Variants in ARFIP1 observed in about 807,000 individuals in gnomAD.
ARFIP1 encodes the protein ARF interacting protein 1.
A neutral mutation model predicts 42.5 loss-of-function variants in ARFIP1; 24 were observed. That is an observed-to-expected ratio of 0.57 (90% CI 0.41 to 0.80). The LOEUF is 0.80. ARFIP1 is among the 30% of genes least tolerant of loss of function. The probability of loss-of-function intolerance (pLI) is 0.00; values close to 1 mark genes in which losing one functional copy is unlikely to be tolerated. For missense variants in ARFIP1, 354 were observed against 434.0 expected (o/e 0.82, Z 1.64); for synonymous variants, 141 against 153.7 (o/e 0.92, Z 0.61).
chr4:152,793,021 A>G (rs1400875703), intron 1 of ARFIP1, among the ~76,000 whole-genome samples: 1 of 152,080 alleles, frequency 6.6e-6, no homozygotes, highest in Admixed American at 6.6e-5. Context: ...CTGGTTTGTG[A>G]GGGCTGAACA....
intron 1 of ARFIP1, among the ~76,000 whole-genome samples, chr4:152,785,700 C>G (rs1287967509): frequency 1.3e-5 from 2 of 152,234 alleles, no homozygotes; most frequent in East Asian, 1.9e-4. Context: ...CACCACACCT[C>G]TCTCCCAGTT....
chr4:152,839,072 G>A (rs1731869163), intron 2 of ARFIP1, among the ~76,000 whole-genome samples: 1 of 152,008 alleles, frequency 6.6e-6, no homozygotes, highest in Non-Finnish European at 1.5e-5. Context: ...CGTTTATGTG[G>A]TTTATCACAT....
intron 8 of ARFIP1, among the ~76,000 whole-genome samples, chr4:152,896,451 T>G (rs561562708): frequency 6.6e-6 from 1 of 152,084 alleles, no homozygotes; most frequent in Non-Finnish European, 1.5e-5. Context: ...GATAGAAAAC[T>G]CCTCAGGACA....
intron 8 of ARFIP1, among the ~76,000 whole-genome samples, chr4:152,891,801 T>C (rs921863184): frequency 1.3e-5 from 2 of 152,086 alleles, no homozygotes; most frequent in Non-Finnish European, 2.9e-5. Context: ...CTCCACCACC[T>C]GGGTTCAAGC....
intron 1 of ARFIP1, among the ~76,000 whole-genome samples, chr4:152,801,663 T>C (rs768515815): frequency 6.6e-6 from 1 of 152,196 alleles, no homozygotes; most frequent in Non-Finnish European, 1.5e-5. Flanking sequence ...TATAATCATA[T>C]TTCAAATCTG....
intron 1 of ARFIP1, among the ~76,000 whole-genome samples, chr4:152,787,876 G>A (rs1730903096): frequency 1.3e-5 from 2 of 152,124 alleles, no homozygotes; most frequent in South Asian, 4.1e-4. Context: ...TTTGGAAAAG[G>A]GATAATCAAC....
chr4:152,804,475 T>A (rs1728837432), intron 1 of ARFIP1, among the ~76,000 whole-genome samples: 1 of 108,406 alleles, frequency 9.2e-6, no homozygotes, highest in Non-Finnish European at 1.8e-5. Context: ...ATAATATATA[T>A]AATATATATT....
At chr4:152,849,591 A>G (rs72968471) in intron 2 of ARFIP1, among the ~76,000 whole-genome samples, 2,134 of 152,284 alleles carry the variant, frequency 0.014, 28 homozygotes, top group African/African-American at 0.034. Flanking sequence ...ACCAAAAGGT[A>G]CTTGTAAGTT....
At chr4:152,805,278 C>T (rs1397935694) in intron 1 of ARFIP1, among the ~76,000 whole-genome samples, 3 of 152,174 alleles carry the variant, frequency 2.0e-5, no homozygotes, top group African/African-American at 7.2e-5. Context: ...CAAATGAAAC[C>T]AGTTCCAGCT....
intron 1 of ARFIP1, among the ~76,000 whole-genome samples, chr4:152,827,255 A>G (rs189917481): frequency 5.4e-4 from 82 of 152,312 alleles, no homozygotes; most frequent in African/African-American, 1.9e-3. Flanking sequence ...AGACAGCATT[A>G]TTACTATTTT....
chr4:152,803,928 G>C (rs1468658790), intron 1 of ARFIP1, among the ~76,000 whole-genome samples: 1 of 147,064 alleles, frequency 6.8e-6, no homozygotes, highest in Non-Finnish European at 1.5e-5. Flanking sequence ...AGAAAGCAGT[G>C]TGTTTGATTC....
chr4:152,847,124 C>CTTTTTTTTTTTTTTTTTT lies in ARFIP1; in HGVS notation c.94-16475_94-16458dup, dbSNP rs771661005. Among the ~76,000 whole-genome samples the CTTTTTTTTTTTTTTTTTT allele has an allele frequency of 5.4e-3, 220 of 40,552 alleles. 61 individuals are homozygous for CTTTTTTTTTTTTTTTTTT. The highest frequency in any genetic ancestry group is 8.5e-3 in the East Asian group (12 of 1,410). The allele number at this position is 40,552 out of a possible 152,430, so 26.6% of individuals were successfully genotyped here. ...GTATGTTAATGTTTTTAGGTTTGTT[C>CTTTTTTTTTTTTTTTTTT]TTTTTTTTTTTTTTTTTTTTTTTTG... On this transcript the variant is annotated intron_variant, in intron 2 of 8. Coordinates refer to ENST00000353617, the MANE Select transcript of ARFIP1 (RefSeq NM_001025595.3).
intron 7 of ARFIP1, among the ~76,000 whole-genome samples, chr4:152,884,632 G>A (rs560891222): frequency 1.2e-4 from 18 of 151,830 alleles, no homozygotes; most frequent in Non-Finnish European, 1.8e-4. Flanking sequence ...ATATATTTTC[G>A]TTAATAATAA....
chr4:152,833,760 G>A (rs1731429168), intron 2 of ARFIP1, among the ~76,000 whole-genome samples: 4 of 152,186 alleles, frequency 2.6e-5, no homozygotes, highest in Admixed American at 6.5e-5. Flanking sequence ...ATTAGGCTAA[G>A]TACAATAAGC....
intron 1 of ARFIP1, among the ~76,000 whole-genome samples, chr4:152,803,282 T>G (rs1307745150): frequency 1.3e-5 from 2 of 152,158 alleles, no homozygotes; most frequent in African/African-American, 4.8e-5. Context: ...GCAGTTGAAA[T>G]GGGTTACATT....
chr4:152,862,083 C>A (rs1733940221), intron 2 of ARFIP1, among the ~76,000 whole-genome samples: 1 of 152,204 alleles, frequency 6.6e-6, no homozygotes. Context: ...TCATTTACCG[C>A]TATCTCTCAA....
intron 8 of ARFIP1, among the ~76,000 whole-genome samples, chr4:152,895,831 G>A (rs888915467): frequency 1.3e-5 from 2 of 152,114 alleles, no homozygotes; most frequent in African/African-American, 4.8e-5. Flanking sequence ...CAAAGAGCTA[G>A]GATTATAGGC....
chr4:152,895,253 A>T (rs1737211263), intron 8 of ARFIP1, among the ~76,000 whole-genome samples: 1 of 152,200 alleles, frequency 6.6e-6, no homozygotes, highest in South Asian at 2.1e-4. Context: ...AATGGAGTGA[A>T]CTGAAGGCTT....
At chr4:152,866,945 G>A (rs1366774071) in intron 3 of ARFIP1, among the ~76,000 whole-genome samples, 1 of 151,468 alleles carries the variant, frequency 6.6e-6, no homozygotes, top group Non-Finnish European at 1.5e-5. Flanking sequence ...GATGGCGGCC[G>A]GGAAGAGGCG....
Sources: allele counts gnomAD v4.1 joint callset (sites outside exome capture counted in the v4.1 genomes callset), GRCh38; gene constraint gnomAD v4.1.1; transcripts MANE v1.5; gene names NCBI Gene and HGNC (gene_info 2026-07-23, HGNC 2026-07-21).